NBPF12: variants seen among roughly 807,000 people sequenced by gnomAD.
NBPF12 encodes the protein NBPF member 12.
NBPF12 carries 115 observed loss-of-function variants against 146.4 expected under a neutral mutation model. The ratio of observed to expected loss-of-function variants is 0.79; its 90% CI spans 0.68 to 0.92. The LOEUF is 0.92. Among genes scored for constraint, NBPF12 ranks in the 40% least tolerant of loss-of-function variants. The pLI, the probability that NBPF12 is intolerant of heterozygous loss-of-function variation, is 0.00. For synonymous variants in NBPF12, 385 were observed against 508.9 expected (o/e 0.76, Z 3.28); for missense variants, 1,205 against 1,326.8 (o/e 0.91, Z 1.43).
intron 2 of NBPF12, among the ~76,000 whole-genome samples, chr1:146,953,493 G>A (rs1655412409): frequency 7.3e-6 from 1 of 136,626 alleles, no homozygotes; most frequent in Admixed American, 7.6e-5. Flanking sequence ...ACAGGCGTGA[G>A]CCACCATGCC....
chr1:146,976,423 G>A (rs1218729242), intron 16 of NBPF12, among the ~76,000 whole-genome samples: 1 of 128,688 alleles, frequency 7.8e-6, no homozygotes, highest in Admixed American at 8.0e-5. Flanking sequence ...TTGATGTGGG[G>A]GCATTTTGTG....
At chr1:146,976,624 C>G (rs1657048317) in intron 16 of NBPF12, among the ~76,000 whole-genome samples, 1 of 150,766 alleles carries the variant, frequency 6.6e-6, no homozygotes, top group Non-Finnish European at 1.5e-5. Flanking sequence ...GGAATCAGAT[C>G]TGGCAGGATG....
chr1:146,961,233 G>A (rs1376385038), intron 4 of NBPF12, among the ~76,000 whole-genome samples: 1 of 151,474 alleles, frequency 6.6e-6, no homozygotes, highest in East Asian at 1.9e-4. Context: ...GCTTCCTGGT[G>A]CACAGGCTCT....
At chr1:146,994,782 A>G (rs1332814145) in exon 34 of NBPF12, 11 of 861,988 alleles carry the variant, frequency 1.3e-5, no homozygotes, top group African/African-American at 1.7e-5. Flanking sequence ...ACACGTTCAC[A>G]TAACTGTGCA....
intron 2 of NBPF12, among the ~76,000 whole-genome samples, chr1:146,957,876 A>G (rs1341157299): frequency 5.5e-5 from 3 of 54,756 alleles, no homozygotes; most frequent in South Asian, 1.6e-3. Flanking sequence ...TATATATTGT[A>G]TATTATGTAT....
chr1:146,964,542 A>G, intron 7 of NBPF12, 113 bp downstream of exon 10: 1 of 1,550,324 alleles, frequency 6.5e-7, no homozygotes. Context: ...CCTTGGCCAC[A>G]GTATGTGAAA....
chr1:146,983,143 A>G, intron 20 of NBPF12, 52 bp downstream of exon 23: 1 of 1,341,556 alleles, frequency 7.5e-7, no homozygotes, highest in Non-Finnish European at 1.0e-6. Context: ...GCCCAGGTAG[A>G]CCCCATAATC....
At chr1:146,982,377 G>T (rs1657451713) in intron 19 of NBPF12, among the ~76,000 whole-genome samples, 1 of 150,630 alleles carries the variant, frequency 6.6e-6, no homozygotes, top group East Asian at 2.0e-4. Context: ...GGGATTTCTT[G>T]GTGTTGCCTA....
intron 9 of NBPF12, 142 bp downstream of exon 12, chr1:146,966,815 G>A: frequency 1.7e-6 from 1 of 589,946 alleles, no homozygotes; most frequent in South Asian, 1.7e-5. Context: ...TTAACATTTT[G>A]TTAAAGTTGG....
chr1:146,963,076 C>T lies in NBPF12; in HGVS notation c.279-19C>T. 2 of 1,610,118 alleles carry T rather than the reference C, an allele frequency of 1.2e-6. No homozygotes were observed. The highest frequency in any genetic ancestry group is 2.2e-5 in the East Asian group (1 of 44,852). On this transcript the variant is annotated intron_variant, in intron 5 of 33. Coordinates refer to ENST00000617844, the Ensembl canonical transcript of NBPF12. ...TCAACGCTTTTCACTGTTAAATTTT[C>T]TCTACCGTCTCACCTTAGGCAATAT...
Position 146,963,451 on chromosome 1 carries a change from G to T in NBPF12, c.493+142G>T, listed in dbSNP as rs1655992310. 11 of 1,571,470 alleles carry T rather than the reference G, an allele frequency of 7.0e-6. No homozygotes were observed. In the Admixed American group the frequency reaches 1.6e-4, roughly 23 times the overall value. On this transcript the variant is annotated intron_variant, in intron 6 of 33. Transcript: ENST00000617844. ...GGCCATGACATGATCAGGACTTCCT[G>T]GGTAAGAACAGAAATGGGAAACCCA...
Position 146,972,192 on chromosome 1 carries a change from C to G in NBPF12, c.1592-559C>G, listed in dbSNP as rs1341492832. The stretch of plus-strand genomic sequence containing the variant: ...GGTGGAACACCTGAGGTCAGGAGTT[C>G]GAAACCAGCCTGTCCAAGTTGGCGA... On this transcript the variant is annotated intron_variant, in intron 13 of 33. Transcript: ENST00000617844. Among the ~76,000 whole-genome samples, 224 of 150,928 alleles carry G rather than the reference C, an allele frequency of 1.5e-3. 10 individuals carry two copies. Among genetic ancestry groups the G allele is most frequent in the African/African-American group, 5.2e-3 (211 of 40,566 alleles).
upstream of NBPF12, among the ~76,000 whole-genome samples, chr1:146,944,648 GGTT>G (rs1425393643): frequency 1.3e-5 from 2 of 151,798 alleles, no homozygotes; most frequent in African/African-American, 4.9e-5. Context: ...AGGAAGAAGG[GGTT>G]GTACCCCATG....
upstream of NBPF12, among the ~76,000 whole-genome samples, chr1:146,948,518 G>A (rs1253802150): frequency 2.6e-5 from 4 of 151,794 alleles, no homozygotes; most frequent in Non-Finnish European, 4.4e-5. Flanking sequence ...TTCAGGGTGT[G>A]CTTTGTTAAA....
intron 22 of NBPF12, among the ~76,000 whole-genome samples, chr1:146,985,222 C>G (rs1657677585): frequency 7.1e-6 from 1 of 141,118 alleles, no homozygotes; most frequent in African/African-American, 2.6e-5. Flanking sequence ...TAATCCTACT[C>G]TCAAGATGTT....
At chr1:146,953,065 A>C (rs1471889044) in intron 2 of NBPF12, among the ~76,000 whole-genome samples, 2 of 150,108 alleles carry the variant, frequency 1.3e-5, no homozygotes, top group Admixed American at 6.7e-5. Context: ...TCTCCTCTAC[A>C]GGCTGGAGGT....
At chr1:146,966,100 C>T (rs1656187757) in intron 8 of NBPF12, among the ~76,000 whole-genome samples, 1 of 151,722 alleles carries the variant, frequency 6.6e-6, no homozygotes, top group Non-Finnish European at 1.5e-5. Context: ...GAGTGAGACT[C>T]CGTCTCAAAC....
At chr1:146,960,875 GCA>G (rs1570836626) in intron 4 of NBPF12, among the ~76,000 whole-genome samples, 3 of 145,518 alleles carry the variant, frequency 2.1e-5, no homozygotes, top group Non-Finnish European at 3.0e-5. Context: ...GGGCCGTGCA[GCA>G]TGGCTCACTC....
chr1:146,961,274 G>A (rs1400708081), intron 4 of NBPF12, among the ~76,000 whole-genome samples: 8 of 151,852 alleles, frequency 5.3e-5, no homozygotes, highest in Non-Finnish European at 8.8e-5. Flanking sequence ...GATCACACCC[G>A]AGAATGTGTG....
Sources: gnomAD v4.1 joint callset for allele counts (sites outside exome capture counted in the v4.1 genomes callset) on GRCh38, gnomAD v4.1.1 for gene constraint, MANE v1.5 for transcripts, NCBI Gene and HGNC (gene_info 2026-07-23, HGNC 2026-07-21) for gene names.